WDR27: variants seen among roughly 807,000 people sequenced by gnomAD.
WDR27 encodes WD repeat-containing protein 27.
WDR27 carries 100 observed loss-of-function variants against 114.4 expected under a neutral mutation model. That is an observed-to-expected ratio of 0.87 (90% confidence interval 0.74 to 1.03). The LOEUF (loss-of-function observed/expected upper bound fraction) is 1.03, where lower values mean the gene tolerates loss of function less well. Among genes scored for constraint, WDR27 ranks in the 50% least tolerant of loss-of-function variants. WDR27 has a pLI of 0.00. For synonymous variants in WDR27, 449 were observed against 423.1 expected (o/e 1.06, Z -0.75); for missense variants, 1,129 against 1,092.9 (o/e 1.03, Z -0.47).
At chr6:169,631,523 C>T (rs538261888) in intron 21 of WDR27, among the ~76,000 whole-genome samples, 2 of 152,246 alleles carry the variant, frequency 1.3e-5, no homozygotes, top group South Asian at 2.1e-4. Flanking sequence ...AGGGAGGGCA[C>T]GGAGGTGGAA....
chr6:169,654,759 G>A (rs79371338), intron 13 of WDR27, among the ~76,000 whole-genome samples: 5 of 151,854 alleles, frequency 3.3e-5, no homozygotes, highest in South Asian at 2.1e-4. Context: ...AGGGTTAGGC[G>A]GCGCGCACAG....
At chr6:169,485,418 C>T (rs994596003) in intron 25 of WDR27, among the ~76,000 whole-genome samples, 1 of 152,178 alleles carries the variant, frequency 6.6e-6, no homozygotes, top group African/African-American at 2.4e-5. Flanking sequence ...AAAAGCTCAG[C>T]ATCACTTATC....
intron 23 of WDR27, among the ~76,000 whole-genome samples, chr6:169,593,933 T>A (rs1034237468): frequency 6.6e-6 from 1 of 152,254 alleles, no homozygotes; most frequent in Non-Finnish European, 1.5e-5. Flanking sequence ...ACTGATTCTC[T>A]GTTTTCTAAC....
intron 24 of WDR27, among the ~76,000 whole-genome samples, chr6:169,578,706 G>A (rs779628902): frequency 2.0e-5 from 3 of 152,128 alleles, no homozygotes; most frequent in Non-Finnish European, 4.4e-5. Context: ...ACTCGATAAC[G>A]AGGAAAGACC....
chr6:169,610,551 A>G lies in WDR27; in HGVS notation c.2321+3008T>C, dbSNP rs111594511. The stretch of plus-strand genomic sequence containing the variant: ...GAACAGTATGGGGGAAAATGCCCCC[A>G]TTATTTAATCATCTCCCACTGGGTC... On this transcript the variant is annotated intron_variant, in intron 22 of 25. Transcript: ENST00000448612. Among the ~76,000 whole-genome samples the G allele has an allele frequency of 5.0e-3, 764 of 152,312 alleles. 1 individual carries two copies. The highest frequency in any genetic ancestry group is 8.5e-3 in the Non-Finnish European group (577 of 68,036).
Position 169,457,499 on chromosome 6 carries a change from T to A in WDR27, c.*93A>T, listed in dbSNP as rs1212645169. ...CAAAATATGAAAAACAGTTGCTGCT[T>A]CTGGCCCCCTGATGGATGAACCACT... On this transcript the variant is annotated 3_prime_UTR_variant, in exon 26 of 26. Coordinates refer to ENST00000448612, the MANE Select transcript of WDR27 (RefSeq NM_182552.5). 9.1e-7 allele frequency: 1 copy of A among 1,100,644 alleles called. No homozygotes were observed. The highest frequency in any genetic ancestry group is 1.3e-6 in the Non-Finnish European group (1 of 781,572). The allele number at this position is 1,100,644 out of a possible 1,614,324, so 68.2% of individuals were successfully genotyped here. A position where few individuals can be genotyped will look rare whatever the true frequency, so the allele number is the denominator to read the frequency against.
chr6:169,448,375 CCTCTGT>C, the WDR27 span, among the ~76,000 whole-genome samples: 1 of 143,454 alleles, frequency 7.0e-6, no homozygotes, highest in East Asian at 2.0e-4. Flanking sequence ...TCTCTCTCTC[CCTCTGT>C]CTCTGTCTCT....
At chr6:169,691,247 AC>A (rs1319352440) in intron 1 of WDR27, among the ~76,000 whole-genome samples, 2 of 152,228 alleles carry the variant, frequency 1.3e-5, no homozygotes, top group African/African-American at 4.8e-5. Flanking sequence ...TTTTAAAAAA[AC>A]GTAATTTTTA....
Position 169,609,244 on chromosome 6 carries a change from C to A in WDR27, c.2321+4315G>T, listed in dbSNP as rs560889144. On this transcript the variant is annotated intron_variant, in intron 22 of 25. Coordinates refer to ENST00000448612, the MANE Select transcript of WDR27 (RefSeq NM_182552.5). ...CTGGGGTCTGGAGGATGGTGGCCCT[C>A]TTCTCACAGCTCCACTAGGCAGTGC... Among the ~76,000 whole-genome samples, 5 of 152,270 alleles carry A rather than the reference C, an allele frequency of 3.3e-5. No homozygotes were observed. The South Asian group carries it at 1.0e-3, about 32-fold the overall frequency.
At chr6:169,585,707 A>G (rs1294341308) in intron 23 of WDR27, among the ~76,000 whole-genome samples, 1 of 152,210 alleles carries the variant, frequency 6.6e-6, no homozygotes, top group Non-Finnish European at 1.5e-5. Context: ...TATATTCACT[A>G]TTCACTGAGT....
intron 25 of WDR27, among the ~76,000 whole-genome samples, chr6:169,501,933 C>G (rs973502206): frequency 6.6e-6 from 1 of 152,228 alleles, no homozygotes; most frequent in African/African-American, 2.4e-5. Flanking sequence ...TCCACTCACA[C>G]TAAGTAGGCT....
At chr6:169,667,414 A>G in intron 5 of WDR27, 1 of 1,225,680 alleles carries the variant, frequency 8.2e-7, no homozygotes, top group Non-Finnish European at 1.0e-6. Flanking sequence ...ACCCTGGTGG[A>G]TTTGAAGAAT....
chr6:169,436,121 T>C, the WDR27 span, among the ~76,000 whole-genome samples: 1 of 152,212 alleles, frequency 6.6e-6, no homozygotes, highest in African/African-American at 2.4e-5. Flanking sequence ...AAGAGCTCTA[T>C]CGGGTTAAGG....
At chr6:169,655,868 C>T (rs1217385213) in intron 13 of WDR27, among the ~76,000 whole-genome samples, 2 of 152,118 alleles carry the variant, frequency 1.3e-5, no homozygotes, top group East Asian at 1.9e-4. Flanking sequence ...TACAGGCGCC[C>T]GCCAACCACG....
chr6:169,588,403 T>C (rs571177080), intron 23 of WDR27, among the ~76,000 whole-genome samples: 1 of 152,368 alleles, frequency 6.6e-6, no homozygotes, highest in Non-Finnish European at 1.5e-5. Context: ...AGTTTATGCA[T>C]TCATGACATA....
At chr6:169,676,705 G>A (rs1780158774) in intron 2 of WDR27, among the ~76,000 whole-genome samples, 4 of 152,170 alleles carry the variant, frequency 2.6e-5, no homozygotes. Flanking sequence ...TTGAGTCTAG[G>A]TCTTTAGACA....
At chr6:169,453,150 A>G (rs1784224377), downstream of WDR27, among the ~76,000 whole-genome samples, 1 of 152,208 alleles carries the variant, frequency 6.6e-6, no homozygotes, top group Non-Finnish European at 1.5e-5. Context: ...TGACTATAGC[A>G]CAAACTATAA....
the WDR27 span, among the ~76,000 whole-genome samples, chr6:169,430,922 CAG>C: frequency 3.3e-5 from 5 of 152,150 alleles, no homozygotes; most frequent in Non-Finnish European, 7.4e-5. Context: ...TGATATGAAT[CAG>C]AGTTATCTTG....
chr6:169,484,708 T>C (rs776769628), intron 25 of WDR27, among the ~76,000 whole-genome samples: 1 of 152,190 alleles, frequency 6.6e-6, no homozygotes, highest in Non-Finnish European at 1.5e-5. Flanking sequence ...AGAGCCTGAA[T>C]AGCCAAGGCA....
Sources: allele counts gnomAD v4.1 joint callset (sites outside exome capture counted in the v4.1 genomes callset), GRCh38; gene constraint gnomAD v4.1.1; transcripts MANE v1.5; gene names NCBI Gene and HGNC (gene_info 2026-07-23, HGNC 2026-07-21).